Variants in SIPA1L1 observed in about 807,000 individuals in gnomAD.
SIPA1L1 encodes the protein signal-induced proliferation-associated 1-like protein 1.
Under a neutral mutation model 162.7 loss-of-function variants are expected in SIPA1L1, and 26 were observed. That is an observed-to-expected ratio of 0.16 (90% CI 0.12 to 0.22). The LOEUF is 0.22. Ranked by LOEUF, SIPA1L1 falls within the 10% of genes least tolerant of loss-of-function variation. The pLI is 1.00. For synonymous variants in SIPA1L1, 829 were observed against 837.4 expected (o/e 0.99, Z 0.17); for missense variants, 1,874 against 2,241.0 (o/e 0.84, Z 3.31).
chr14:71,658,458 T>G (rs1217080535), intron 9 of SIPA1L1, 22 bp downstream of exon 9: 3 of 1,415,340 alleles, frequency 2.1e-6, no homozygotes, highest in Non-Finnish European at 2.0e-6. Flanking sequence ...TCCTGTTATC[T>G]GTGTTTTCAC....
chr14:71,530,710 A>T (rs191575896), intron 4 of SIPA1L1, among the ~76,000 whole-genome samples: 1 of 152,292 alleles, frequency 6.6e-6, no homozygotes, highest in East Asian at 1.9e-4. Context: ...ATTTCTCTCT[A>T]ACAGCAGTTC....
intron 12 of SIPA1L1, among the ~76,000 whole-genome samples, chr14:71,683,090 G>T (rs1293518169): frequency 6.6e-6 from 1 of 152,194 alleles, no homozygotes; most frequent in Non-Finnish European, 1.5e-5. Context: ...GGAGGTTGAG[G>T]CTGTGGTGAA....
At chr14:71,680,162 C>T (rs1224274186) in intron 12 of SIPA1L1, among the ~76,000 whole-genome samples, 14 of 152,172 alleles carry the variant, frequency 9.2e-5, no homozygotes, top group Non-Finnish European at 1.5e-5. Context: ...CCAAAATTGA[C>T]CACATAGTTG....
At chr14:71,325,006 C>T (rs2033622558) in intron 2 of SIPA1L1, among the ~76,000 whole-genome samples, 1 of 152,158 alleles carries the variant, frequency 6.6e-6, no homozygotes, top group African/African-American at 2.4e-5. Context: ...AGAAACTTCC[C>T]TGCTGGTTGG....
intron 2 of SIPA1L1, among the ~76,000 whole-genome samples, chr14:71,347,357 ATAT>A (rs772735399): frequency 1.3e-5 from 2 of 152,128 alleles, no homozygotes; most frequent in Non-Finnish European, 2.9e-5. Context: ...TTGTCAAGTA[ATAT>A]TCTATTCTAA....
chr14:71,329,399 C>T (rs1369539601), intron 2 of SIPA1L1, among the ~76,000 whole-genome samples: 1 of 151,386 alleles, frequency 6.6e-6, no homozygotes, highest in Non-Finnish European at 1.5e-5. Flanking sequence ...TTCTCCACAT[C>T]CTTACCAATA....
chr14:71,713,579 A>G (rs1047276925), intron 17 of SIPA1L1, among the ~76,000 whole-genome samples: 1 of 152,240 alleles, frequency 6.6e-6, no homozygotes, highest in African/African-American at 2.4e-5. Context: ...ACAGTTGTCA[A>G]CACAGCTCAA....
intron 6 of SIPA1L1, among the ~76,000 whole-genome samples, chr14:71,621,306 C>T (rs982610424): frequency 1.3e-5 from 2 of 152,326 alleles, no homozygotes; most frequent in South Asian, 2.1e-4. Flanking sequence ...GAGAAACAGC[C>T]ACTGTCTTTG....
chr14:71,513,552 G>C (rs2051385582), intron 3 of SIPA1L1, among the ~76,000 whole-genome samples: 3 of 152,136 alleles, frequency 2.0e-5, no homozygotes, highest in Non-Finnish European at 4.4e-5. Flanking sequence ...CAGTGGTGCA[G>C]TCATAGCTCA....
intron 8 of SIPA1L1, among the ~76,000 whole-genome samples, chr14:71,656,307 G>T (rs912715126): frequency 6.6e-6 from 1 of 151,356 alleles, no homozygotes; most frequent in African/African-American, 2.4e-5. Flanking sequence ...GGCATATAAA[G>T]CACAGTGTAA....
At chr14:71,342,187 A>G (rs2035727430) in intron 2 of SIPA1L1, among the ~76,000 whole-genome samples, 1 of 151,780 alleles carries the variant, frequency 6.6e-6, no homozygotes, top group Admixed American at 6.6e-5. Context: ...TATTTTTTGT[A>G]GAGATGGGGT....
intron 2 of SIPA1L1, among the ~76,000 whole-genome samples, chr14:71,487,053 C>T (rs2048823023): frequency 1.3e-5 from 2 of 152,188 alleles, no homozygotes; most frequent in African/African-American, 4.8e-5. Context: ...CTGCCATAAT[C>T]TTCTGATGGC....
chr14:71,346,516 C>T (rs2036184395), intron 2 of SIPA1L1, among the ~76,000 whole-genome samples: 1 of 152,054 alleles, frequency 6.6e-6, no homozygotes, highest in Non-Finnish European at 1.5e-5. Flanking sequence ...ACCTCCAAGG[C>T]CAGCAGAACT....
At chr14:71,327,124 G>A (rs539598780) in intron 2 of SIPA1L1, among the ~76,000 whole-genome samples, 2 of 117,744 alleles carry the variant, frequency 1.7e-5, no homozygotes, top group African/African-American at 6.6e-5. Context: ...CTCTTGTCAT[G>A]CAGGCTGGAG....
At chr14:71,407,564 C>T (rs141017246) in intron 2 of SIPA1L1, among the ~76,000 whole-genome samples, 94 of 146,784 alleles carry the variant, frequency 6.4e-4, no homozygotes, top group South Asian at 4.5e-3. Flanking sequence ...GGGAGTGTAG[C>T]GGCATGATCA....
chr14:71,584,135 T>C (rs2034294384), intron 4 of SIPA1L1, among the ~76,000 whole-genome samples: 1 of 152,160 alleles, frequency 6.6e-6, no homozygotes, highest in East Asian at 1.9e-4. Flanking sequence ...ACCTTTTCAA[T>C]GGACCCCAAC....
chr14:71,673,485 C>A (rs879445561), intron 12 of SIPA1L1, among the ~76,000 whole-genome samples: 4 of 152,084 alleles, frequency 2.6e-5, no homozygotes, highest in Non-Finnish European at 5.9e-5. Flanking sequence ...GATGACCAGT[C>A]CTACACCTGA....
intron 12 of SIPA1L1, among the ~76,000 whole-genome samples, chr14:71,682,232 C>G (rs1384847243): frequency 1.3e-5 from 2 of 152,076 alleles, no homozygotes; most frequent in African/African-American, 4.8e-5. Context: ...TCGTGCCTGG[C>G]CCATTGTAAG....
chr14:71,613,710 A>G (rs139539414), intron 5 of SIPA1L1, among the ~76,000 whole-genome samples: 2 of 152,316 alleles, frequency 1.3e-5, no homozygotes, highest in African/African-American at 4.8e-5. Flanking sequence ...CTTCAGAAGA[A>G]AGAGAAAGAC....
Sources: gnomAD v4.1 joint callset for allele counts (sites outside exome capture counted in the v4.1 genomes callset) on GRCh38, gnomAD v4.1.1 for gene constraint, MANE v1.5 for transcripts, NCBI Gene and HGNC (gene_info 2026-07-23, HGNC 2026-07-21) for gene names.